Variants in ACTR2 observed in about 807,000 individuals in gnomAD.
ACTR2 encodes actin related protein 2.
Under a neutral mutation model 50.2 loss-of-function variants are expected in ACTR2, and 5 were observed. That is an observed-to-expected ratio of 0.10 (90% CI 0.05 to 0.21). The LOEUF (loss-of-function observed/expected upper bound fraction) is 0.21. Ranked by LOEUF, ACTR2 falls within the 10% of genes least tolerant of loss-of-function variation. The probability of loss-of-function intolerance (pLI) is 1.00; values close to 1 mark genes in which losing one functional copy is unlikely to be tolerated. For missense variants in ACTR2, 180 were observed against 480.6 expected (o/e 0.37, Z 5.85); for synonymous variants, 140 against 162.9 (o/e 0.86, Z 1.07).
Position 65,227,925 on chromosome 2 carries a change from A to C in ACTR2, c.16A>C (p.Arg6=). Reference sequence around the variant, plus strand: ...TGGGCGGACGATGGACAGCCAGGGCAGGAAGGTGGTGGTGTGCGACAACGG... The same window carrying C: ...TGGGCGGACGATGGACAGCCAGGGCCGGAAGGTGGTGGTGTGCGACAACGG... The part of the protein sequence containing the change: MDSQG[R]KVVVCDNGTG... Residue 6 remains arginine (R), a synonymous_variant, in exon 1 of 9, where the codon AGG becomes CGG. Coordinates refer to ENST00000260641, the MANE Select transcript of ACTR2 (RefSeq NM_005722.4). 6.6e-7 allele frequency: 1 copy of C among 1,526,202 alleles called. No individual in the cohort carries two copies. Among genetic ancestry groups the C allele is most frequent in the African/African-American group, 1.4e-5 (1 of 69,986 alleles). 94.5% of individuals were successfully genotyped at this position (1,526,202 alleles called of 1,614,324 possible). A position where few individuals can be genotyped will look rare whatever the true frequency, so the allele number is the denominator to read the frequency against.
At chr2:65,246,438 T>G in intron 2 of ACTR2, 86 bp from the exon 3 acceptor site, 2 of 904,508 alleles carry the variant, frequency 2.2e-6, no homozygotes, top group East Asian at 5.4e-5. Flanking sequence ...ATTTTGCAAG[T>G]GTCAGAAATA....
chr2:65,255,135 G>A (rs1360041733), intron 5 of ACTR2, among the ~76,000 whole-genome samples: 3 of 152,102 alleles, frequency 2.0e-5, no homozygotes, highest in African/African-American at 7.2e-5. Context: ...AGAAGCTAAA[G>A]ATAAAACTTT....
chr2:65,240,114 A>C, intron 2 of ACTR2, 152 bp downstream of exon 2: 1 of 577,010 alleles, frequency 1.7e-6, no homozygotes, highest in Admixed American at 3.2e-5. Flanking sequence ...TTATATCAAC[A>C]CCTGAACAGG....
At chr2:65,259,504 A>G (rs1672220770) in intron 6 of ACTR2, among the ~76,000 whole-genome samples, 1 of 152,172 alleles carries the variant, frequency 6.6e-6, no homozygotes, top group South Asian at 2.1e-4. Flanking sequence ...CAAGCCAGGC[A>G]GATCACTTGA....
chr2:65,238,372 A>G (rs1374395421), intron 1 of ACTR2, among the ~76,000 whole-genome samples: 2 of 152,088 alleles, frequency 1.3e-5, no homozygotes, highest in Non-Finnish European at 2.9e-5. Context: ...GTAAAAATGT[A>G]AATAGGGCCA....
intron 6 of ACTR2, among the ~76,000 whole-genome samples, chr2:65,255,912 C>G (rs1483615885): frequency 6.6e-6 from 1 of 152,112 alleles, no homozygotes; most frequent in East Asian, 1.9e-4. Context: ...ATAAATTACT[C>G]TCTATACTAG....
At chr2:65,265,818 A>G (rs1672360295) in intron 8 of ACTR2, among the ~76,000 whole-genome samples, 1 of 152,240 alleles carries the variant, frequency 6.6e-6, no homozygotes, top group Non-Finnish European at 1.5e-5. Flanking sequence ...TACTTAACCA[A>G]GAGTTATCTA....
intron 1 of ACTR2, among the ~76,000 whole-genome samples, chr2:65,239,279 A>T (rs933484847): frequency 6.6e-6 from 1 of 151,840 alleles, no homozygotes; most frequent in Non-Finnish European, 1.5e-5. Context: ...ACATGGAGAA[A>T]CCCCGTCTCT....
chr2:65,237,741 A>G (rs1671767460), intron 1 of ACTR2, among the ~76,000 whole-genome samples: 1 of 152,054 alleles, frequency 6.6e-6, no homozygotes, highest in Non-Finnish European at 1.5e-5. Context: ...TAATCCCAGC[A>G]CTTTGGGAGG....
intron 1 of ACTR2, 44 bp downstream of exon 1, chr2:65,228,001 G>A: frequency 3.4e-6 from 5 of 1,475,294 alleles, no homozygotes; most frequent in Non-Finnish European, 4.5e-6. Context: ...AGACGCCGGC[G>A]GGGACGAGCA....
At chr2:65,253,520 C>T (rs1391180439) in intron 4 of ACTR2, among the ~76,000 whole-genome samples, 1 of 146,584 alleles carries the variant, frequency 6.8e-6, no homozygotes, top group Non-Finnish European at 1.5e-5. Context: ...TCTCCTTGGA[C>T]AGCACATAAT....
intron 1 of ACTR2, chr2:65,228,164 C>T (rs1461036940): frequency 2.3e-6 from 1 of 439,948 alleles, no homozygotes; most frequent in Non-Finnish European, 3.9e-6. Context: ...CCTGCCACCC[C>T]CTCACCCTTC....
chr2:65,232,356 A>G (rs1671655659), intron 1 of ACTR2, among the ~76,000 whole-genome samples: 1 of 152,214 alleles, frequency 6.6e-6, no homozygotes. Flanking sequence ...TGCTAGAATA[A>G]TTGCATTTGC....
intron 1 of ACTR2, among the ~76,000 whole-genome samples, chr2:65,230,551 A>T (rs1671616270): frequency 6.6e-6 from 1 of 151,542 alleles, no homozygotes; most frequent in South Asian, 2.1e-4. Flanking sequence ...AGCTGGGACT[A>T]CAGGCTTGTG....
Position 65,239,733 on chromosome 2 carries a change from T to C in ACTR2, c.49-119T>C, listed in dbSNP as rs569175292. On this transcript the variant is annotated intron_variant, in intron 1 of 8. Transcript: ENST00000260641. ...GATTGAGTGGCTACTTCGGGTGGACTGAAAGCACCAAAAGTTTAAAATGTT... is the reference window on the plus strand; with the variant it reads ...GATTGAGTGGCTACTTCGGGTGGACCGAAAGCACCAAAAGTTTAAAATGTT... 3.7e-5 allele frequency: 26 copies of C among 693,364 alleles called. No individual in the cohort carries two copies. The African/African-American group carries it at 4.7e-4, about 12-fold the overall frequency. 43.0% of individuals were successfully genotyped at this position (693,364 alleles called of 1,614,324 possible).
At chr2:65,263,060 G>C (rs1173784839) in intron 7 of ACTR2, among the ~76,000 whole-genome samples, 1 of 150,930 alleles carries the variant, frequency 6.6e-6, no homozygotes, top group Non-Finnish European at 1.5e-5. Flanking sequence ...TTGTTTGTTT[G>C]AGATAGAGTC....
intron 8 of ACTR2, among the ~76,000 whole-genome samples, chr2:65,268,281 A>C (rs2104028224): frequency 6.6e-6 from 1 of 152,266 alleles, no homozygotes; most frequent in African/African-American, 2.4e-5. Flanking sequence ...TACTGATCAA[A>C]TTAGGACACT....
At position 65,265,173 on chromosome 2, in the gene ACTR2, T is replaced by G. The variant is rs892868437; in HGVS notation, c.1012T>G (p.Ser338Ala). Residue 338 changes from serine (S) to alanine (A), a missense_variant and splice_region_variant, in exon 8 of 9, where the codon TCT becomes GCT. Coordinates refer to ENST00000260641, the MANE Select transcript of ACTR2 (RefSeq NM_005722.4). ...TTTGAAGGGTGATGTGGAAAAACTT[T>G]CTGTAAGTATTAGTAAATCAACTAT... ...RVLKGDVEKL[S>A]KFKIRIEDPP... The G allele has an allele frequency of 6.2e-7, 1 of 1,614,214 alleles. No homozygotes were observed.
intron 1 of ACTR2, among the ~76,000 whole-genome samples, chr2:65,229,970 A>T (rs1671605000): frequency 6.6e-6 from 1 of 152,146 alleles, no homozygotes; most frequent in South Asian, 2.1e-4. Context: ...ATACATAAGA[A>T]ATGTTCATAA....
Sources: gnomAD v4.1 joint callset for allele counts (sites outside exome capture counted in the v4.1 genomes callset) on GRCh38, gnomAD v4.1.1 for gene constraint, MANE v1.5 for transcripts, NCBI Gene and HGNC (gene_info 2026-07-23, HGNC 2026-07-21) for gene names.